Variants in HORMAD2 observed in about 807,000 individuals in gnomAD.
The protein encoded by HORMAD2 is HORMA domain containing 2.
HORMAD2 carries 45 observed loss-of-function variants against 38.8 expected under a neutral mutation model. The observed-to-expected ratio is 1.16, with a 90% CI of 0.91 to 1.49. HORMAD2 has a LOEUF of 1.49. HORMAD2 is among the 40% of genes most tolerant of loss of function. The probability of loss-of-function intolerance (pLI) is 0.00; values close to 1 mark genes in which losing one functional copy is unlikely to be tolerated. For missense variants in HORMAD2, 338 were observed against 367.0 expected (o/e 0.92, Z 0.65); for synonymous variants, 126 against 122.8 (o/e 1.03, Z -0.17).
the HORMAD2 span, among the ~76,000 whole-genome samples, chr22:30,200,330 C>A: frequency 6.6e-6 from 1 of 151,934 alleles, no homozygotes; most frequent in African/African-American, 2.4e-5. Context: ...TTGAATTTTC[C>A]CATGTAACAA....
At chr22:30,110,934 G>A (rs1349561272) in intron 5 of HORMAD2, among the ~76,000 whole-genome samples, 2 of 151,622 alleles carry the variant, frequency 1.3e-5, no homozygotes, top group African/African-American at 4.8e-5. Context: ...GAGGTGGGTG[G>A]ATCACAAGGT....
At chr22:30,141,884 T>C (rs532075567) in intron 10 of HORMAD2, among the ~76,000 whole-genome samples, 248 of 152,316 alleles carry the variant, frequency 1.6e-3, no homozygotes, top group African/African-American at 5.6e-3. Flanking sequence ...TGTGAGCCAC[T>C]GCGCCCAGCC....
intron 10 of HORMAD2, among the ~76,000 whole-genome samples, chr22:30,166,179 CTT>C (rs1184520249): frequency 1.3e-5 from 2 of 151,920 alleles, no homozygotes; most frequent in Admixed American, 6.6e-5. Context: ...TCTTGGGAAA[CTT>C]ATTTTTATAA....
At chr22:30,124,692 T>A (rs1431851974) in intron 10 of HORMAD2, among the ~76,000 whole-genome samples, 3 of 152,248 alleles carry the variant, frequency 2.0e-5, no homozygotes, top group Non-Finnish European at 4.4e-5. Flanking sequence ...TCATTTTCAC[T>A]GCTGTAGAGT....
At chr22:30,144,709 G>T (rs1924303598) in intron 10 of HORMAD2, among the ~76,000 whole-genome samples, 2 of 151,758 alleles carry the variant, frequency 1.3e-5, no homozygotes, top group Admixed American at 6.6e-5. Context: ...GGGCAAGGGT[G>T]ATTGAGACCT....
intron 1 of HORMAD2, among the ~76,000 whole-genome samples, chr22:30,082,805 A>AAAAAAG (rs2068507300): frequency 6.6e-6 from 1 of 151,616 alleles, no homozygotes; most frequent in Admixed American, 6.6e-5. Context: ...CAAAAAAAAA[A>AAAAAAG]AAAAGAAAAG....
Position 30,121,740 on chromosome 22 carries a change from A to C in HORMAD2, c.519A>C (p.Pro173=). ...KLYILMQDLE[P]LPNNVVLTMK... is the part of the protein sequence containing the mutation. ...ATATACTGATGCAGGACCTTGAGCC[A>C]CTTCCTAATAATGTTGTACTTACTA... Residue 173 remains proline, a synonymous_variant, in exon 9 of 11, where the codon CCA becomes CCC. Coordinates refer to ENST00000336726, the MANE Select transcript of HORMAD2 (RefSeq NM_152510.4). 6.2e-7 allele frequency: 1 copy of C among 1,612,680 alleles called. No individual in the cohort carries two copies. Among genetic ancestry groups the C allele is most frequent in the South Asian group, 1.1e-5 (1 of 90,792 alleles).
rs1873480384 is a variant in HORMAD2, at chr22:30,091,338, C to G, written c.-37-2578C>G. Among the ~76,000 whole-genome samples the G allele has an allele frequency of 2.1e-5, 3 of 146,096 alleles. No individual in the cohort carries two copies. The South Asian group carries it at 6.6e-4, about 32-fold the overall frequency. On this transcript the variant is annotated intron_variant, in intron 1 of 10. Transcript: ENST00000336726. ...GGAGTGCAGTGGTGCAATCATGGCT[C>G]ACTGCACTGCAGCCTTGAACTCCTG... is the stretch of plus-strand genomic sequence containing the variant.
At chr22:30,204,563 T>C in the HORMAD2 span, among the ~76,000 whole-genome samples, 1 of 152,118 alleles carries the variant, frequency 6.6e-6, no homozygotes, top group Non-Finnish European at 1.5e-5. Context: ...TGTGAAACTC[T>C]AGGCCTTTCA....
the HORMAD2 span, among the ~76,000 whole-genome samples, chr22:30,193,247 A>G: frequency 6.6e-6 from 1 of 152,312 alleles, no homozygotes. Flanking sequence ...TTGGCAAAAG[A>G]AGGCTATATT....
intron 7 of HORMAD2, among the ~76,000 whole-genome samples, chr22:30,113,102 T>C (rs957690063): frequency 6.6e-6 from 1 of 152,168 alleles, no homozygotes; most frequent in African/African-American, 2.4e-5. Flanking sequence ...GTTCATATCT[T>C]ATATGTAAAC....
Position 30,089,354 on chromosome 22 carries a change from T to G in HORMAD2, c.-37-4562T>G, listed in dbSNP as rs553230425. On this transcript the variant is annotated intron_variant, in intron 1 of 10. Coordinates refer to ENST00000336726, the MANE Select transcript of HORMAD2 (RefSeq NM_152510.4). ...AGAAAAGGGAAAATTTGCTGCTGCTTCTTTTTTTTTTTTTTTGAGATGGAG... is the reference window on the plus strand; with the variant it reads ...AGAAAAGGGAAAATTTGCTGCTGCTGCTTTTTTTTTTTTTTTGAGATGGAG... 1.4e-3 allele frequency among the ~76,000 whole-genome samples: 203 copies of G among 140,196 alleles called. 1 individual carries two copies. Among genetic ancestry groups the G allele is most frequent in the African/African-American group, 3.2e-3 (113 of 35,330 alleles). The allele number at this position is 140,196 out of a possible 152,430, so 92.0% of individuals were successfully genotyped here.
At chr22:30,188,096 A>G in the HORMAD2 span, among the ~76,000 whole-genome samples, 7 of 152,260 alleles carry the variant, frequency 4.6e-5, no homozygotes, top group African/African-American at 1.7e-4. Context: ...TTTTCTGGTA[A>G]ACAAAACTGT....
chr22:30,150,721 G>T (rs1924697766), intron 10 of HORMAD2, among the ~76,000 whole-genome samples: 1 of 152,174 alleles, frequency 6.6e-6, no homozygotes, highest in African/African-American at 2.4e-5. Flanking sequence ...TCCCCAGCAT[G>T]CAGGCTAGCC....
At chr22:30,148,704 T>C (rs1402219221) in intron 10 of HORMAD2, among the ~76,000 whole-genome samples, 2 of 152,098 alleles carry the variant, frequency 1.3e-5, no homozygotes, top group Non-Finnish European at 2.9e-5. Context: ...GTGTATTCCT[T>C]AAAAACATAT....
chr22:30,197,442 G>C, the HORMAD2 span, among the ~76,000 whole-genome samples: 1 of 152,098 alleles, frequency 6.6e-6, no homozygotes, highest in African/African-American at 2.4e-5. Context: ...CCCTCTGTTA[G>C]AGCAAATCTC....
Position 30,176,518 on chromosome 22 carries a change from T to C in HORMAD2, c.*351T>C, listed in dbSNP as rs190150501. ...AGGATTTTTTTGCATAATTAAACTCTTCAGCTATTTAGACTACTGTGAAAT... is the reference window on the plus strand; with the variant it reads ...AGGATTTTTTTGCATAATTAAACTCCTCAGCTATTTAGACTACTGTGAAAT... On this transcript the variant is annotated 3_prime_UTR_variant, in exon 11 of 11. Transcript: ENST00000336726. 5.6e-5 allele frequency: 12 copies of C among 214,404 alleles called. No homozygotes were observed. The East Asian group carries it at 1.1e-3, about 20-fold the overall frequency. 13.3% of individuals were successfully genotyped at this position (214,404 alleles called of 1,614,324 possible). A position where few individuals can be genotyped will look rare whatever the true frequency, so the allele number is the denominator to read the frequency against.
chr22:30,171,722 T>G (rs1926120958), intron 10 of HORMAD2, among the ~76,000 whole-genome samples: 1 of 152,178 alleles, frequency 6.6e-6, no homozygotes, highest in Non-Finnish European at 1.5e-5. Flanking sequence ...TGTATGTTCC[T>G]AATCTCCTAG....
At chr22:30,195,518 A>C in the HORMAD2 span, among the ~76,000 whole-genome samples, 46 of 152,188 alleles carry the variant, frequency 3.0e-4, no homozygotes, top group Non-Finnish European at 4.9e-4. Context: ...AGGTCTCCCA[A>C]CCCTCAGGCC....
Sources: allele counts gnomAD v4.1 joint callset (sites outside exome capture counted in the v4.1 genomes callset), GRCh38; gene constraint gnomAD v4.1.1; transcripts MANE v1.5; gene names NCBI Gene and HGNC (gene_info 2026-07-23, HGNC 2026-07-21).